NRDE2: variants seen among roughly 807,000 people sequenced by gnomAD.
The protein encoded by NRDE2 is NRDE-2, necessary for RNA interference, domain containing, also known as nuclear exosome regulator NRDE2.
A neutral mutation model predicts 124.2 loss-of-function variants in NRDE2; 76 were observed. That is an observed-to-expected ratio of 0.61 (90% confidence interval 0.51 to 0.74). NRDE2 has a LOEUF of 0.74. NRDE2 is among the 30% of genes least tolerant of loss of function. The probability of loss-of-function intolerance (pLI) is 0.00; values close to 1 mark genes in which losing one functional copy is unlikely to be tolerated. For synonymous variants in NRDE2, 489 were observed against 528.1 expected (o/e 0.93, Z 1.01); for missense variants, 1,314 against 1,417.3 (o/e 0.93, Z 1.17).
At position 90,269,403 on chromosome 14, in the gene NRDE2, C is replaced by T. The variant is rs1439850045; in HGVS notation, c.*8933G>A. On this transcript the variant is annotated 3_prime_UTR_variant, in exon 14 of 14. Transcript: ENST00000354366. ...CCTTTTTTTTTTTCCAAAGATATGA[C>T]TCCAATTCTGGTGGTGAGAGAGAAA... 2 of 1,601,190 alleles carry T rather than the reference C, an allele frequency of 1.2e-6. No individual in the cohort carries two copies. Among genetic ancestry groups the T allele is most frequent in the East Asian group, 4.5e-5 (2 of 44,690 alleles).
Position 90,278,093 on chromosome 14 carries a change from G to A in NRDE2, c.*243C>T, listed in dbSNP as rs916282298. 4.1e-5 allele frequency: 16 copies of A among 391,566 alleles called. No individual in the cohort carries two copies. Among genetic ancestry groups the A allele is most frequent in the Non-Finnish European group, 6.2e-5 (13 of 209,588 alleles). 24.3% of individuals were successfully genotyped at this position (391,566 alleles called of 1,614,324 possible). ...CATCGGTTTAATGACCACGTGGCAT[G>A]ACTCTCTGGCTATGTACATATATAC... On this transcript the variant is annotated 3_prime_UTR_variant, in exon 14 of 14. Transcript: ENST00000354366.
At chr14:90,290,115 C>T in intron 10 of NRDE2, 106 bp downstream of exon 10, 2 of 1,235,354 alleles carry the variant, frequency 1.6e-6, no homozygotes, top group Non-Finnish European at 2.2e-6. Context: ...GGAGGAGGTG[C>T]TGGGGCATAG....
intron 8 of NRDE2, among the ~76,000 whole-genome samples, chr14:90,294,538 G>A (rs1035082842): frequency 2.6e-5 from 4 of 152,174 alleles, no homozygotes; most frequent in Non-Finnish European, 4.4e-5. Context: ...GGCGTGACAT[G>A]GATGAACCCT....
At chr14:90,322,560 AG>A (rs528268044) in intron 1 of NRDE2, among the ~76,000 whole-genome samples, 115 of 152,386 alleles carry the variant, frequency 7.5e-4, no homozygotes, top group Admixed American at 1.8e-3. Flanking sequence ...TCCATTATCT[AG>A]GTATAAAGTA....
At chr14:90,326,183 A>G (rs183141234) in intron 1 of NRDE2, among the ~76,000 whole-genome samples, 8 of 152,270 alleles carry the variant, frequency 5.3e-5, no homozygotes, top group African/African-American at 1.9e-4. Context: ...GGTAAAATGC[A>G]GAATAGTATG....
intron 8 of NRDE2, among the ~76,000 whole-genome samples, chr14:90,296,454 C>T (rs1277225206): frequency 6.6e-6 from 1 of 152,206 alleles, no homozygotes; most frequent in Non-Finnish European, 1.5e-5. Flanking sequence ...GGCATGATCA[C>T]TGCCTGACAG....
At chr14:90,282,456 G>A (rs1891979507) in intron 12 of NRDE2, among the ~76,000 whole-genome samples, 1 of 149,610 alleles carries the variant, frequency 6.7e-6, no homozygotes, top group African/African-American at 2.5e-5. Flanking sequence ...AGCAGCCTGG[G>A]CAATAAGAAA....
In NRDE2 at chr14:90,268,507, G is replaced by A; in HGVS notation, c.*9829C>T. 2.4e-6 allele frequency: 3 copies of A among 1,268,140 alleles called. No individual in the cohort carries two copies. In the South Asian group the frequency reaches 4.1e-5, roughly 17 times the overall value. 78.6% of individuals were successfully genotyped at this position (1,268,140 alleles called of 1,614,324 possible). On this transcript the variant is annotated 3_prime_UTR_variant, in exon 14 of 14. Transcript: ENST00000354366. ...AGCAATCTCAGGGGGCTCTCCCTATGGCCACAGTTCTTGCTGTGCGTGGCC... is the reference window on the plus strand; with the variant it reads ...AGCAATCTCAGGGGGCTCTCCCTATAGCCACAGTTCTTGCTGTGCGTGGCC...
At chr14:90,317,385 A>AATG (rs1885084079) in intron 2 of NRDE2, among the ~76,000 whole-genome samples, 1 of 152,212 alleles carries the variant, frequency 6.6e-6, no homozygotes, top group South Asian at 2.1e-4. Context: ...TGGAGATGAC[A>AATG]ATGAGCTCTT....
At chr14:90,286,959 G>A (rs112020763) in intron 11 of NRDE2, among the ~76,000 whole-genome samples, 1,495 of 148,740 alleles carry the variant, frequency 0.01, 13 homozygotes, top group South Asian at 0.026. Context: ...GCTTGAACCC[G>A]GGAGGCGGAG....
chr14:90,281,294 T>TGC (rs1378409968), intron 12 of NRDE2: 1 of 152,416 alleles, frequency 6.6e-6, no homozygotes, highest in Non-Finnish European at 1.5e-5. Flanking sequence ...AGCACAGTGG[T>TGC]GCGCACCTGT....
In NRDE2 at chr14:90,288,887, G is replaced by C; in HGVS notation, c.2488C>G (p.Leu830Val). The C allele has an allele frequency of 3.1e-6, 5 of 1,614,166 alleles. No individual in the cohort carries two copies. The highest frequency in any genetic ancestry group is 1.3e-5 in the African/African-American group (1 of 75,046). ...ACTTCTGGCGACAGCTCCACCTCCAGCTCAGCATAGAGCAGACTGAGCTCA... is the reference window on the plus strand; with the variant it reads ...ACTTCTGGCGACAGCTCCACCTCCACCTCAGCATAGAGCAGACTGAGCTCA... ...LCELSLLYAE[L>V]EVELSPEVRR... The change falls in exon 11 of 14, where the codon CTG becomes GTG. Residue 830 changes from leucine to valine, a missense_variant. Physicochemically the swap from Leu to Val is conservative, Grantham distance 32 (BLOSUM62 1). Coordinates refer to ENST00000354366, the MANE Select transcript of NRDE2 (RefSeq NM_017970.4).
intron 6 of NRDE2, among the ~76,000 whole-genome samples, chr14:90,302,413 A>C (rs970418834): frequency 6.6e-6 from 1 of 152,212 alleles, no homozygotes; most frequent in African/African-American, 2.4e-5. Context: ...AGACAGGTAC[A>C]TGCATCTCGA....
At chr14:90,330,052 C>T (rs1885611924) in intron 1 of NRDE2, among the ~76,000 whole-genome samples, 1 of 149,064 alleles carries the variant, frequency 6.7e-6, no homozygotes, top group Non-Finnish European at 1.5e-5. Flanking sequence ...ACTAACAATA[C>T]AAAAATTAGC....
At chr14:90,285,270 T>TAAAA (rs796590562) in intron 12 of NRDE2, among the ~76,000 whole-genome samples, 3 of 106,050 alleles carry the variant, frequency 2.8e-5, no homozygotes, top group African/African-American at 1.1e-4. Context: ...GACCTTGTCT[T>TAAAA]AAAAAAAAAA....
In NRDE2 at chr14:90,278,179, G is replaced by A; in HGVS notation, c.*157C>T. 3.9e-6 allele frequency: 3 copies of A among 769,940 alleles called. No homozygotes were observed. Among genetic ancestry groups the A allele is most frequent in the South Asian group, 3.5e-5 (2 of 56,606 alleles). The allele number at this position is 769,940 out of a possible 1,614,324, so 47.7% of individuals were successfully genotyped here. A position where few individuals can be genotyped will look rare whatever the true frequency, so the allele number is the denominator to read the frequency against. On this transcript the variant is annotated 3_prime_UTR_variant, in exon 14 of 14. Coordinates refer to ENST00000354366, the MANE Select transcript of NRDE2 (RefSeq NM_017970.4). The stretch of plus-strand genomic sequence containing the variant: ...TGTCATTTACACACCCAAAAAGTGT[G>A]CAAGATGTGAGAGGCTGGCAGCCCA...
At position 90,331,921 on chromosome 14, in the gene NRDE2, T is replaced by C; in HGVS notation, c.-17A>G. 1 of 1,613,932 alleles carries C rather than the reference T, an allele frequency of 6.2e-7. No homozygotes were observed. The highest frequency in any genetic ancestry group is 1.7e-5 in the Admixed American group (1 of 60,026). ...CAGCGCCATGACCACAGGCCGTACC[T>C]CCGTTCTTCTCTATAGGGATGGCGC... On this transcript the variant is annotated 5_prime_UTR_variant, in exon 1 of 14. Transcript: ENST00000354366.
At chr14:90,329,347 T>C (rs1885574405) in intron 1 of NRDE2, among the ~76,000 whole-genome samples, 1 of 152,202 alleles carries the variant, frequency 6.6e-6, no homozygotes, top group Non-Finnish European at 1.5e-5. Context: ...TTGAAGGCCC[T>C]GGTATACACT....
At chr14:90,287,799 G>A (rs1892148433) in intron 11 of NRDE2, among the ~76,000 whole-genome samples, 1 of 152,124 alleles carries the variant, frequency 6.6e-6, no homozygotes, top group African/African-American at 2.4e-5. Context: ...ATTTGACAGA[G>A]AGGGAGCTAT....
Sources: allele counts gnomAD v4.1 joint callset (sites outside exome capture counted in the v4.1 genomes callset), GRCh38; gene constraint gnomAD v4.1.1; transcripts MANE v1.5; gene names NCBI Gene and HGNC (gene_info 2026-07-23, HGNC 2026-07-21).